The following MTRF1L variants were observed in gnomAD, a reference collection of about 807,000 sequenced individuals.
MTRF1L encodes peptide chain release factor 1-like, mitochondrial.
MTRF1L carries 29 observed loss-of-function variants against 40.0 expected under a neutral mutation model. The ratio of observed to expected loss-of-function variants is 0.73; its 90% CI spans 0.54 to 0.99. The LOEUF is 0.99. MTRF1L is among the 50% of genes least tolerant of loss of function. The pLI is 0.00. For synonymous variants in MTRF1L, 150 were observed against 175.8 expected (o/e 0.85, Z 1.16); for missense variants, 412 against 464.5 (o/e 0.89, Z 1.04).
intron 1 of MTRF1L, among the ~76,000 whole-genome samples, chr6:152,999,349 C>T (rs1778827927): frequency 6.6e-6 from 1 of 152,076 alleles, no homozygotes; most frequent in Non-Finnish European, 1.5e-5. Flanking sequence ...AAGTTCAAAC[C>T]CTTACAAAGC....
At chr6:152,998,727 GA>G in intron 1 of MTRF1L, 98 bp from the exon 2 acceptor site, 1 of 703,928 alleles carries the variant, frequency 1.4e-6, no homozygotes, top group Middle Eastern at 2.5e-4. Flanking sequence ...TAGCTGAAGG[GA>G]AAAATAAAAT....
chr6:152,998,987 G>A lies in MTRF1L; in HGVS notation c.260-358C>T, dbSNP rs561455421. ...CTTCCAACTTAGACTGTATAATAAC[G>A]AATGCATTTAGCTAATAAGACAGAA... is the stretch of plus-strand genomic sequence containing the variant. On this transcript the variant is annotated intron_variant, in intron 1 of 6. Transcript: ENST00000367233. 6.6e-5 allele frequency among the ~76,000 whole-genome samples: 10 copies of A among 152,008 alleles called. 1 individual carries two copies. Among genetic ancestry groups the A allele is most frequent in the Middle Eastern group, 7.0e-3 (2 of 284 alleles).
At chr6:152,991,376 T>C in intron 5 of MTRF1L, 55 bp from the exon 6 acceptor site, 9 of 1,482,736 alleles carry the variant, frequency 6.1e-6, no homozygotes, top group Non-Finnish European at 8.1e-6. Flanking sequence ...TCTTTACTTA[T>C]TATCAAGGAA....
chr6:152,991,962 TA>T (rs1373053806), intron 5 of MTRF1L, among the ~76,000 whole-genome samples: 8 of 152,242 alleles, frequency 5.3e-5, no homozygotes, highest in Admixed American at 2.0e-4. Context: ...AACAACTACT[TA>T]TAGAAACTAC....
Position 152,995,123 on chromosome 6 carries a change from AT to A in MTRF1L, c.523+12del. 1.3e-6 allele frequency: 2 copies of A among 1,587,654 alleles called. No individual in the cohort carries two copies. Among genetic ancestry groups the A allele is most frequent in the Non-Finnish European group, 1.7e-6 (2 of 1,168,602 alleles). On this transcript the variant is annotated intron_variant, in intron 3 of 6. Coordinates refer to ENST00000367233, the MANE Select transcript of MTRF1L (RefSeq NM_019041.7). ...AAACACTTTACCTGAAACAAAATGA[AT>A]AGTTTACTGACCTAGTTCACTTGGA...
At position 152,989,934 on chromosome 6, in the gene MTRF1L, A is replaced by G. The variant is rs1778444007; in HGVS notation, c.1104T>C (p.Asp368=). The change falls in exon 7 of 7, where the codon GAT becomes GAC. Residue 368 remains aspartate, a synonymous_variant. Transcript: ENST00000367233. ...ELVQSLKEYA[D]YESLVEIISQ... Reference sequence around the variant, plus strand: ...AAATAATTTCTACTAAAGATTCATAATCGGCGTATTCCTTCAATGACTGTA... The same window carrying G: ...AAATAATTTCTACTAAAGATTCATAGTCGGCGTATTCCTTCAATGACTGTA... 8.7e-6 allele frequency: 14 copies of G among 1,613,416 alleles called. No homozygotes were observed. Among genetic ancestry groups the G allele is most frequent in the Non-Finnish European group, 1.2e-5 (14 of 1,179,792 alleles).
rs1220659206 is a variant in MTRF1L, at chr6:152,998,529, T to C, written c.339+21A>G. On this transcript the variant is annotated intron_variant, in intron 2 of 6. Coordinates refer to ENST00000367233, the MANE Select transcript of MTRF1L (RefSeq NM_019041.7). ...GCCTAAGAATAGCACAAATGCTTTA[T>C]TCTTTGCAGAAATACCATACCTGAT... The C allele has an allele frequency of 2.6e-6, 4 of 1,534,988 alleles. No homozygotes were observed. In the African/African-American group the frequency reaches 4.2e-5, roughly 16 times the overall value.
intron 1 of MTRF1L, among the ~76,000 whole-genome samples, chr6:153,001,170 G>C (rs986639780): frequency 6.6e-6 from 1 of 152,146 alleles, no homozygotes; most frequent in Non-Finnish European, 1.5e-5. Context: ...ACCACGCCTG[G>C]CCAAGGATCT....
intron 4 of MTRF1L, 72 bp from the exon 5 acceptor site, chr6:152,993,046 T>G: frequency 1.9e-6 from 2 of 1,073,448 alleles, no homozygotes; most frequent in Non-Finnish European, 2.9e-6. Flanking sequence ...GCGACCCATT[T>G]ATGAATATAC....
chr6:152,991,347 A>G (rs777891065), intron 5 of MTRF1L, 26 bp from the exon 6 acceptor site: 1 of 1,543,542 alleles, frequency 6.5e-7, no homozygotes, highest in Non-Finnish European at 8.7e-7. Context: ...AGAATTAAAA[A>G]GTTTTAATAA....
chr6:152,991,200 A>G lies in MTRF1L; in HGVS notation c.927T>C (p.Asn309=). 5 of 1,549,562 alleles carry G rather than the reference A, an allele frequency of 3.2e-6. No homozygotes were observed. Among genetic ancestry groups the G allele is most frequent in the Non-Finnish European group, 4.3e-6 (5 of 1,151,416 alleles). ...HLEEEINKRQ[N]ARKIQIGSKG... ...CTTTTTTTACCTGAATTTTTCTAGCATTCTGTCTTTTATTTATTTCTTCTT... is the reference window on the plus strand; with the variant it reads ...CTTTTTTTACCTGAATTTTTCTAGCGTTCTGTCTTTTATTTATTTCTTCTT... The change falls in exon 6 of 7, where the codon AAT becomes AAC. Residue 309 remains asparagine, a synonymous_variant. Transcript: ENST00000367233.
intron 1 of MTRF1L, among the ~76,000 whole-genome samples, chr6:153,001,937 CTA>C (rs1227683070): frequency 6.6e-6 from 1 of 152,224 alleles, no homozygotes; most frequent in African/African-American, 2.4e-5. Context: ...AGGTTCTTAA[CTA>C]TTTTTCTGGC....
chr6:152,996,828 A>G (rs555141015), intron 2 of MTRF1L, among the ~76,000 whole-genome samples: 7 of 152,302 alleles, frequency 4.6e-5, no homozygotes, highest in African/African-American at 1.7e-4. Context: ...GAGATGCAAA[A>G]TAAGTATTCC....
At position 153,002,463 on chromosome 6, in the gene MTRF1L, C is replaced by T. The variant is rs1463593671; in HGVS notation, c.223G>A (p.Glu75Lys). 6 of 1,613,808 alleles carry T rather than the reference C, an allele frequency of 3.7e-6. No homozygotes were observed. The highest frequency in any genetic ancestry group is 4.2e-6 in the Non-Finnish European group (5 of 1,179,876). Residue 75 changes from glutamate (E) to lysine (K), a missense_variant, in exon 1 of 7, where the codon GAG (glutamate) becomes AAG (lysine). Glu to Lys is a moderately conservative substitution (Grantham distance 56). Coordinates refer to ENST00000367233, the MANE Select transcript of MTRF1L (RefSeq NM_019041.7). ...LAVIKLLNEKERELRETEHLL... is the reference protein window; with the variant it reads ...LAVIKLLNEKKRELRETEHLL... Reference sequence around the variant, plus strand: ...TGCTCAGTCTCCCGCAGCTCCCGCTCCTTCTCGTTCAGCAGTTTGATCACC... The same window carrying T: ...TGCTCAGTCTCCCGCAGCTCCCGCTTCTTCTCGTTCAGCAGTTTGATCACC...
In MTRF1L at chr6:152,995,180, T is replaced by A; in HGVS notation, c.479A>T (p.Lys160Ile). The change falls in exon 3 of 7, where the codon AAA (lysine) becomes ATA (isoleucine). Residue 160 changes from lysine (K) to isoleucine (I), a missense_variant. By Grantham distance (102) the Lys-to-Ile change is moderately radical. Transcript: ENST00000367233. Reference sequence around the variant, plus strand: ...TTCCAGGGTTTCAAAATGCCATCTTTTAAATGCAGCATATTGCTGATACAT... The same window carrying A: ...TTCCAGGGTTTCAAAATGCCATCTTATAAATGCAGCATATTGCTGATACAT... Reference protein sequence around the residue: ...FDMYQQYAAFKRWHFETLEYF... With the variant: ...FDMYQQYAAFIRWHFETLEYF... The A allele has an allele frequency of 6.2e-7, 1 of 1,605,138 alleles. No individual in the cohort carries two copies. Among genetic ancestry groups the A allele is most frequent in the Non-Finnish European group, 8.5e-7 (1 of 1,177,048 alleles).
intron 2 of MTRF1L, among the ~76,000 whole-genome samples, chr6:152,997,763 G>A (rs570673612): frequency 3.3e-5 from 5 of 152,260 alleles, no homozygotes; most frequent in Admixed American, 3.3e-4. Context: ...CAGTGCTCCT[G>A]CTCATTCCTC....
intron 2 of MTRF1L, among the ~76,000 whole-genome samples, chr6:152,995,888 C>G (rs1479147025): frequency 2.0e-5 from 3 of 152,124 alleles, no homozygotes; most frequent in Non-Finnish European, 4.4e-5. Context: ...TGTTTAAGGG[C>G]AAAGTGTTAG....
chr6:152,991,145 T>C (rs1237630204), intron 6 of MTRF1L, 40 bp downstream of exon 6: 1 of 1,320,704 alleles, frequency 7.6e-7, no homozygotes, highest in Non-Finnish European at 1.0e-6. Context: ...TATAAAAATA[T>C]TTCTATCCTT....
intron 2 of MTRF1L, among the ~76,000 whole-genome samples, chr6:152,995,640 C>A (rs9322407): frequency 0.77 from 116,540 of 152,112 alleles, 45,625 homozygotes; most frequent in African/African-American, 0.94. Context: ...TGCTCTGATT[C>A]GGAGATTATA....
Sources: gnomAD v4.1 joint callset for allele counts (sites outside exome capture counted in the v4.1 genomes callset) on GRCh38, gnomAD v4.1.1 for gene constraint, MANE v1.5 for transcripts, NCBI Gene and HGNC (gene_info 2026-07-23, HGNC 2026-07-21) for gene names.